Variants in ESYT2 observed in about 807,000 individuals in gnomAD.
ESYT2 encodes extended synaptotagmin 2.
In ESYT2, 54 loss-of-function variants were observed where a neutral mutation model predicts 107.2. The observed-to-expected ratio is 0.50, with a 90% CI of 0.40 to 0.63. The LOEUF is 0.63. Ranked by LOEUF, ESYT2 falls within the 30% of genes least tolerant of loss-of-function variation. The pLI, the probability that ESYT2 is intolerant of heterozygous loss-of-function variation, is 0.00. For missense variants in ESYT2, 1,020 were observed against 1,094.5 expected (o/e 0.93, Z 0.96); for synonymous variants, 491 against 434.1 (o/e 1.13, Z -1.63).
intron 7 of ESYT2, among the ~76,000 whole-genome samples, chr7:158,771,813 T>C (rs554113678): frequency 6.0e-4 from 92 of 152,278 alleles, no homozygotes; most frequent in Admixed American, 2.5e-3. Flanking sequence ...GTGAATAAAC[T>C]GCTTTTTGAA....
At chr7:158,794,721 C>T (rs1007030767) in intron 3 of ESYT2, among the ~76,000 whole-genome samples, 9 of 152,014 alleles carry the variant, frequency 5.9e-5, no homozygotes, top group African/African-American at 2.2e-4. Flanking sequence ...AGGTTGCAGT[C>T]GGTGGTGATC....
At chr7:158,766,911 C>T (rs1170844797) in intron 8 of ESYT2, among the ~76,000 whole-genome samples, 3 of 152,186 alleles carry the variant, frequency 2.0e-5, no homozygotes, top group Non-Finnish European at 4.4e-5. Context: ...ATCCTTCACT[C>T]CACCCACCCC....
chr7:158,806,482 G>T (rs1839836862), intron 1 of ESYT2, among the ~76,000 whole-genome samples: 2 of 152,272 alleles, frequency 1.3e-5, no homozygotes, highest in East Asian at 3.9e-4. Context: ...AATATTAGGA[G>T]AATTTAAACC....
intron 8 of ESYT2, among the ~76,000 whole-genome samples, chr7:158,766,209 C>T (rs1445012089): frequency 6.6e-6 from 1 of 152,136 alleles, no homozygotes. Flanking sequence ...CTCATTCAAT[C>T]AGCACAGGAA....
chr7:158,772,067 AG>A (rs1250261470), intron 7 of ESYT2, among the ~76,000 whole-genome samples: 3 of 151,888 alleles, frequency 2.0e-5, no homozygotes, highest in African/African-American at 7.3e-5. Flanking sequence ...GCTTGCAGTG[AG>A]CTGAGACTGT....
At chr7:158,770,640 G>A (rs951393039) in intron 7 of ESYT2, among the ~76,000 whole-genome samples, 77 of 151,828 alleles carry the variant, frequency 5.1e-4, no homozygotes, top group Non-Finnish European at 8.1e-4. Flanking sequence ...TCAGCCTCCC[G>A]AGTAGCTGGG....
intron 6 of ESYT2, among the ~76,000 whole-genome samples, chr7:158,775,562 T>C (rs1413086438): frequency 5.3e-5 from 8 of 152,238 alleles, no homozygotes; most frequent in African/African-American, 1.2e-4. Context: ...ACCACTTTCT[T>C]TGTTAGTCAT....
At chr7:158,827,111 C>T (rs1220080804) in intron 1 of ESYT2, among the ~76,000 whole-genome samples, 18 of 147,324 alleles carry the variant, frequency 1.2e-4, no homozygotes, top group African/African-American at 1.0e-4. Context: ...TGTAGTGAGC[C>T]GAGATCACGC....
intron 1 of ESYT2, among the ~76,000 whole-genome samples, chr7:158,806,337 G>C (rs569750489): frequency 6.6e-6 from 1 of 152,320 alleles, no homozygotes; most frequent in African/African-American, 2.4e-5. Flanking sequence ...TAACAAAGCT[G>C]TCTAAGTCAC....
intron 1 of ESYT2, among the ~76,000 whole-genome samples, chr7:158,806,613 C>T (rs185229554): frequency 1.4e-4 from 21 of 152,236 alleles, no homozygotes; most frequent in East Asian, 5.8e-4. Flanking sequence ...TAAACACGTC[C>T]GTGAAGAATA....
chr7:158,752,749 TAACTCTGTG>T, intron 14 of ESYT2, 23 bp downstream of exon 14: 2 of 1,275,634 alleles, frequency 1.6e-6, no homozygotes, highest in Non-Finnish European at 2.1e-6. Context: ...ATGTTTTCAT[TAACTCTGTG>T]ACCTGAAGGG....
At chr7:158,756,430 A>C (rs954462458) in intron 13 of ESYT2, among the ~76,000 whole-genome samples, 2 of 152,240 alleles carry the variant, frequency 1.3e-5, no homozygotes, top group African/African-American at 4.8e-5. Flanking sequence ...AGTGAATCAC[A>C]AACTTAATAT....
At position 158,733,897 on chromosome 7, in the gene ESYT2, G is replaced by A. The variant is rs1020208837; in HGVS notation, c.*310C>T. ...GTATACCTCAGTGATATATAAACAA[G>A]GCCATAATAAAGCACAGACACATCC... On this transcript the variant is annotated 3_prime_UTR_variant, in exon 23 of 23. Transcript: ENST00000275418. The A allele has an allele frequency of 1.2e-5, 4 of 337,486 alleles. No homozygotes were observed. The highest frequency in any genetic ancestry group is 1.1e-5 in the Non-Finnish European group (2 of 179,762). 20.9% of individuals were successfully genotyped at this position (337,486 alleles called of 1,614,324 possible).
At chr7:158,798,185 A>G in intron 2 of ESYT2, 109 bp from the exon 3 acceptor site, 1 of 1,157,662 alleles carries the variant, frequency 8.6e-7, no homozygotes, top group East Asian at 2.5e-5. Context: ...TTGAAAATAA[A>G]GGGCGGGAGG....
chr7:158,763,120 A>G lies in ESYT2; in HGVS notation c.1147T>C (p.Phe383Leu). The G allele has an allele frequency of 6.2e-7, 1 of 1,613,236 alleles. No homozygotes were observed. The highest frequency in any genetic ancestry group is 1.3e-5 in the African/African-American group (1 of 75,026). Reference sequence around the variant, plus strand: ...TCATCCTTGTCTGGGTCTTCATCAAAGAGCTCAATCTCTAATTCTTGTCCA... The same window carrying G: ...TCATCCTTGTCTGGGTCTTCATCAAGGAGCTCAATCTCTAATTCTTGTCCA... ...HPGQELEIEL[F>L]DEDPDKDDFL... The change falls in exon 10 of 23, where the codon TTT (phenylalanine) becomes CTT (leucine). Residue 383 changes from phenylalanine to leucine, a missense_variant. Phe to Leu is a conservative substitution (Grantham distance 22, BLOSUM62 0). Coordinates refer to ENST00000275418, the MANE Select transcript of ESYT2 (RefSeq NM_001367773.1).
intron 11 of ESYT2, 142 bp downstream of exon 11, chr7:158,761,354 A>G (rs1837952274): frequency 1.5e-6 from 1 of 683,876 alleles, no homozygotes; most frequent in Admixed American, 2.5e-5. Flanking sequence ...TTCTTAGTAT[A>G]TGTTAAGTAA....
chr7:158,797,785 C>T (rs1282990557), intron 3 of ESYT2, among the ~76,000 whole-genome samples, 157 bp downstream of exon 3: 2 of 150,440 alleles, frequency 1.3e-5, no homozygotes, highest in Non-Finnish European at 2.9e-5. Flanking sequence ...ACCTGGGAGG[C>T]AGAGTTTGCA....
chr7:158,782,868 G>A (rs1475193434), intron 6 of ESYT2, among the ~76,000 whole-genome samples: 1 of 152,178 alleles, frequency 6.6e-6, no homozygotes, highest in African/African-American at 2.4e-5. Flanking sequence ...GAGAGAACGA[G>A]TGTGTGGGAA....
chr7:158,738,375 A>T (rs1445119245), intron 19 of ESYT2, among the ~76,000 whole-genome samples: 8 of 133,384 alleles, frequency 6.0e-5, no homozygotes, highest in African/African-American at 2.2e-4. Context: ...ACACACACAC[A>T]CACTCTTCCT....
Sources: gnomAD v4.1 joint callset for allele counts (sites outside exome capture counted in the v4.1 genomes callset) on GRCh38, gnomAD v4.1.1 for gene constraint, MANE v1.5 for transcripts, NCBI Gene and HGNC (gene_info 2026-07-23, HGNC 2026-07-21) for gene names.